The following HMCN1 variants were observed in gnomAD, a reference collection of about 807,000 sequenced individuals.
HMCN1 encodes hemicentin-1.
A neutral mutation model predicts 625.9 loss-of-function variants in HMCN1; 321 were observed. That is an observed-to-expected ratio of 0.51 (90% CI 0.47 to 0.56). HMCN1 has a LOEUF of 0.56. Ranked by LOEUF, HMCN1 falls within the 20% of genes least tolerant of loss-of-function variation. The pLI, the probability that HMCN1 is intolerant of heterozygous loss-of-function variation, is 0.00. For missense variants in HMCN1, 6,588 were observed against 6,887.3 expected, an observed-to-expected ratio of 0.96 and a Z score of 1.54; for synonymous variants, 2,425 against 2,417.6, an observed-to-expected ratio of 1.00 and a Z score of -0.09.
intron 51 of HMCN1, among the ~76,000 whole-genome samples, chr1:186,070,363 A>C (rs1658403195): frequency 6.6e-6 from 1 of 152,214 alleles, no homozygotes; most frequent in Admixed American, 6.5e-5. Flanking sequence ...AATGAAGCTA[A>C]CTGTTCTGTA....
At chr1:186,182,007 G>A (rs185083261) in intron 104 of HMCN1, among the ~76,000 whole-genome samples, 161 bp from the exon 105 acceptor site, 43 of 152,248 alleles carry the variant, frequency 2.8e-4, no homozygotes, top group African/African-American at 1.0e-3. Flanking sequence ...TAACATAAAA[G>A]TATCTTCATA....
intron 35 of HMCN1, among the ~76,000 whole-genome samples, chr1:186,022,574 TAGGAAGAAA>T (rs1303014525): frequency 6.6e-6 from 1 of 152,108 alleles, no homozygotes; most frequent in African/African-American, 2.4e-5. Flanking sequence ...TTGTGAAAAA[TAGGAAGAAA>T]TTTATCTGCA....
chr1:185,929,416 A>G (rs1489464156), intron 10 of HMCN1, among the ~76,000 whole-genome samples: 1 of 152,108 alleles, frequency 6.6e-6, no homozygotes, highest in Admixed American at 6.6e-5. Flanking sequence ...TTTTCAGGGG[A>G]AAAAAGACTA....
Position 186,174,635 on chromosome 1 carries a change from C to A in HMCN1, c.15936C>A (p.Pro5312=), listed in dbSNP as rs768149851. The change falls in exon 103 of 107, where the codon CCC becomes CCA. Residue 5312 remains proline, a synonymous_variant. Coordinates refer to ENST00000271588, the MANE Select transcript of HMCN1 (RefSeq NM_031935.3). ...RGYRSQGVGR[P]CMDINECEQV... ...ATCGGTCTCAAGGAGTTGGAAGACC[C>A]TGCATGGGTAAGTTAATAGGAACTT... The A allele has an allele frequency of 6.2e-6, 10 of 1,613,850 alleles. No individual in the cohort carries two copies. In the South Asian group the frequency reaches 9.9e-5, roughly 16 times the overall value.
chr1:185,790,024 T>C (rs577214963), intron 1 of HMCN1, among the ~76,000 whole-genome samples: 2 of 152,272 alleles, frequency 1.3e-5, no homozygotes, highest in African/African-American at 4.8e-5. Context: ...TCTCCTTCAA[T>C]CAGTCTTGGC....
intron 4 of HMCN1, among the ~76,000 whole-genome samples, chr1:185,894,536 G>T (rs1470504445): frequency 6.6e-6 from 1 of 152,000 alleles, no homozygotes; most frequent in Non-Finnish European, 1.5e-5. Context: ...TGGATCACTG[G>T]GCATGATTGT....
intron 55 of HMCN1, 152 bp downstream of exon 55, chr1:186,078,372 T>C (rs1658955590): frequency 1.5e-6 from 1 of 669,942 alleles, no homozygotes; most frequent in Non-Finnish European, 2.7e-6. Flanking sequence ...CTTCTACAAA[T>C]TGACAGCACA....
chr1:185,851,905 C>T (rs1662185299), intron 2 of HMCN1, among the ~76,000 whole-genome samples: 1 of 151,544 alleles, frequency 6.6e-6, no homozygotes, highest in Admixed American at 6.6e-5. Context: ...ATTGTTGATC[C>T]CCCAAATCAA....
chr1:186,159,667 A>G (rs949007319), intron 97 of HMCN1, among the ~76,000 whole-genome samples: 4 of 152,156 alleles, frequency 2.6e-5, no homozygotes, highest in African/African-American at 9.7e-5. Flanking sequence ...TTCTGCATCT[A>G]TTGAGATAAT....
At chr1:186,109,529 T>C (rs566386764) in intron 71 of HMCN1, among the ~76,000 whole-genome samples, 4 of 152,312 alleles carry the variant, frequency 2.6e-5, no homozygotes, top group Admixed American at 2.6e-4. Context: ...TCAAAGATTA[T>C]AGAATGAACG....
intron 89 of HMCN1, among the ~76,000 whole-genome samples, chr1:186,143,277 C>T (rs1650086611): frequency 1.3e-5 from 2 of 152,232 alleles, no homozygotes; most frequent in African/African-American, 4.8e-5. Flanking sequence ...TATTTACACT[C>T]AGCCTTTGAG....
intron 25 of HMCN1, among the ~76,000 whole-genome samples, chr1:185,998,126 C>T (rs1652933938): frequency 6.6e-6 from 1 of 152,076 alleles, no homozygotes; most frequent in African/African-American, 2.4e-5. Context: ...CACTTTCACC[C>T]TAACTCTGCC....
intron 102 of HMCN1, among the ~76,000 whole-genome samples, chr1:186,173,040 TAAGCATA>T (rs1652331286): frequency 6.6e-6 from 1 of 152,194 alleles, no homozygotes; most frequent in Non-Finnish European, 1.5e-5. Context: ...GAGCTGAACT[TAAGCATA>T]AAGTGTTAAA....
At chr1:185,735,744 T>C (rs1055717721) in intron 1 of HMCN1, among the ~76,000 whole-genome samples, 5 of 152,202 alleles carry the variant, frequency 3.3e-5, no homozygotes, top group African/African-American at 9.6e-5. Context: ...CCTAAAGCCG[T>C]AGGTTTCAGC....
At chr1:186,081,448 TA>T in intron 56 of HMCN1, 54 bp downstream of exon 56, 1 of 1,291,092 alleles carries the variant, frequency 7.7e-7, no homozygotes, top group Non-Finnish European at 1.1e-6. Context: ...TTGCACTTTG[TA>T]ATAATTGTTT....
chr1:185,968,492 A>G (rs1005619461), intron 14 of HMCN1, among the ~76,000 whole-genome samples: 13 of 150,812 alleles, frequency 8.6e-5, no homozygotes, highest in African/African-American at 2.9e-4. Context: ...ATATATATAT[A>G]TATAAATTAC....
intron 97 of HMCN1, among the ~76,000 whole-genome samples, chr1:186,159,631 T>C (rs140977997): frequency 6.6e-6 from 1 of 152,006 alleles, no homozygotes; most frequent in African/African-American, 2.4e-5. Flanking sequence ...TAGCATGAAG[T>C]GTTGTTGAAT....
intron 30 of HMCN1, among the ~76,000 whole-genome samples, chr1:186,010,835 A>G (rs1181741370): frequency 6.6e-6 from 1 of 152,198 alleles, no homozygotes; most frequent in African/African-American, 2.4e-5. Flanking sequence ...AGGAGATAAT[A>G]TAGATACTTA....
chr1:186,178,325 T>A, intron 103 of HMCN1, 91 bp from the exon 104 acceptor site: 1 of 949,574 alleles, frequency 1.1e-6, no homozygotes, highest in Non-Finnish European at 1.7e-6. Context: ...ATGTCTTCAG[T>A]TTGTTTCACA....
Sources: allele counts gnomAD v4.1 joint callset (sites outside exome capture counted in the v4.1 genomes callset), GRCh38; gene constraint gnomAD v4.1.1; transcripts MANE v1.5; gene names NCBI Gene and HGNC (gene_info 2026-07-23, HGNC 2026-07-21).